Variants in VPS13B observed in about 807,000 individuals in gnomAD.
The protein encoded by VPS13B is intermembrane lipid transfer protein VPS13B.
Under a neutral mutation model 426.4 loss-of-function variants are expected in VPS13B, and 285 were observed. The ratio of observed to expected loss-of-function variants is 0.67; its 90% CI spans 0.61 to 0.74. The LOEUF is 0.74. Ranked by LOEUF, VPS13B falls within the 30% of genes least tolerant of loss-of-function variation. VPS13B has a pLI of 0.00. For missense variants in VPS13B, 4,537 were observed against 4,782.6 expected (o/e 0.95, Z 1.51); for synonymous variants, 1,676 against 1,676.4 (o/e 1.00, Z 0.01).
At chr8:99,853,359 G>A (rs1816386225) in intron 55 of VPS13B, 92 bp from the exon 56 acceptor site, 1 of 1,287,756 alleles carries the variant, frequency 7.8e-7, no homozygotes, top group Admixed American at 1.9e-5. Context: ...CCCATCAGGA[G>A]GTATTTAATA....
At chr8:99,103,379 G>C (rs1846863927) in intron 5 of VPS13B, among the ~76,000 whole-genome samples, 1 of 152,080 alleles carries the variant, frequency 6.6e-6, no homozygotes, top group African/African-American at 2.4e-5. Flanking sequence ...GCCCAGGCTG[G>C]AGTGCAGTGG....
At chr8:99,573,349 T>G (rs1029941809) in intron 31 of VPS13B, among the ~76,000 whole-genome samples, 53 of 152,226 alleles carry the variant, frequency 3.5e-4, no homozygotes, top group South Asian at 2.5e-3. Flanking sequence ...ATTGCTTTTG[T>G]TGTTTTAGAC....
chr8:99,418,866 G>A (rs755872846), intron 21 of VPS13B, among the ~76,000 whole-genome samples: 4 of 152,238 alleles, frequency 2.6e-5, no homozygotes, highest in South Asian at 4.1e-4. Flanking sequence ...TAGAGCTTGC[G>A]CTCTTCTAGA....
At chr8:99,658,153 T>C (rs894886482) in intron 34 of VPS13B, among the ~76,000 whole-genome samples, 3 of 152,158 alleles carry the variant, frequency 2.0e-5, no homozygotes, top group Admixed American at 1.3e-4. Flanking sequence ...TAGGAACATA[T>C]ATAATTACCT....
chr8:99,734,683 A>G (rs910563493), intron 39 of VPS13B, among the ~76,000 whole-genome samples: 1 of 152,202 alleles, frequency 6.6e-6, no homozygotes, highest in Non-Finnish European at 1.5e-5. Context: ...TACAGAGGAA[A>G]GGATGAATCA....
chr8:99,158,249 AGGCGGCCGGGCAC>A (rs1811462212), intron 15 of VPS13B, among the ~76,000 whole-genome samples: 1 of 152,192 alleles, frequency 6.6e-6, no homozygotes, highest in Non-Finnish European at 1.5e-5. Flanking sequence ...AAACTTCAAA[AGGCGGCCGGGCAC>A]GGTGGCTCAT....
intron 3 of VPS13B, among the ~76,000 whole-genome samples, chr8:99,087,301 T>C (rs1447746068): frequency 6.6e-6 from 1 of 152,144 alleles, no homozygotes; most frequent in Non-Finnish European, 1.5e-5. Flanking sequence ...CTAAGACCGT[T>C]GGAAAAGCAC....
chr8:99,687,928 C>T lies in VPS13B; in HGVS notation c.6047-11597C>T, dbSNP rs140111580. Among the ~76,000 whole-genome samples the T allele has an allele frequency of 4.9e-3, 747 of 152,056 alleles. 14 individuals are homozygous for T. The highest frequency in any genetic ancestry group is 0.017 in the African/African-American group (706 of 41,374). On this transcript the variant is annotated intron_variant, in intron 35 of 61. Transcript: ENST00000357162. ...TCCAGCTGTCTTGCTCTGCCTCCCT[C>T]TTGGCCTAGCCTTGTGAATGAACTT...
rs370527702 is a variant in VPS13B, at chr8:99,606,498, C to CAA, written c.5220+28880_5220+28881dup. Among the ~76,000 whole-genome samples the CAA allele has an allele frequency of 1.4e-3, 102 of 74,212 alleles. 1 individual carries two copies. Among genetic ancestry groups the CAA allele is most frequent in the Middle Eastern group, 8.5e-3 (1 of 118 alleles). The allele number at this position is 74,212 out of a possible 152,430, so 48.7% of individuals were successfully genotyped here. On this transcript the variant is annotated intron_variant, in intron 33 of 61. Transcript: ENST00000357162. The stretch of plus-strand genomic sequence containing the variant: ...CAGACAACATAGCAAGACTCAGTTT[C>CAA]AAAAAAAAAAAAAAAAGAAAAAAGA...
chr8:99,018,182 T>C (rs1841715092), intron 2 of VPS13B, among the ~76,000 whole-genome samples: 1 of 152,136 alleles, frequency 6.6e-6, no homozygotes, highest in Non-Finnish European at 1.5e-5. Flanking sequence ...GGTCAGGAGT[T>C]CGAGATCAGC....
At chr8:99,305,909 G>C (rs1367974732) in intron 19 of VPS13B, among the ~76,000 whole-genome samples, 3 of 152,020 alleles carry the variant, frequency 2.0e-5, no homozygotes, top group Non-Finnish European at 4.4e-5. Context: ...ATTTGGTCTT[G>C]TCTGCTTTCT....
intron 35 of VPS13B, among the ~76,000 whole-genome samples, chr8:99,690,633 C>A (rs1330999524): frequency 2.0e-5 from 3 of 151,392 alleles, no homozygotes; most frequent in African/African-American, 7.3e-5. Context: ...TATTTTATAT[C>A]CAAAATATAA....
chr8:99,491,227 T>A (rs1358521016), intron 25 of VPS13B, among the ~76,000 whole-genome samples: 1 of 152,178 alleles, frequency 6.6e-6, no homozygotes, highest in African/African-American at 2.4e-5. Flanking sequence ...AGCTGAGACA[T>A]CCGCTGTTAG....
At chr8:99,406,880 A>G (rs1021167571) in intron 21 of VPS13B, among the ~76,000 whole-genome samples, 41 of 152,214 alleles carry the variant, frequency 2.7e-4, no homozygotes, top group Non-Finnish European at 8.8e-5. Context: ...AGACCTTAGG[A>G]TAGGTGTTAG....
intron 2 of VPS13B, among the ~76,000 whole-genome samples, chr8:99,020,583 T>A (rs1409588614): frequency 6.6e-6 from 1 of 152,226 alleles, no homozygotes; most frequent in Non-Finnish European, 1.5e-5. Context: ...GAAGGTTTTC[T>A]CCTATGTTTT....
chr8:99,559,670 T>C (rs1252154089), intron 31 of VPS13B, among the ~76,000 whole-genome samples: 1 of 152,202 alleles, frequency 6.6e-6, no homozygotes, highest in East Asian at 1.9e-4. Context: ...GGAAATCCTT[T>C]CCCCATTGCT....
intron 21 of VPS13B, among the ~76,000 whole-genome samples, chr8:99,420,340 A>G (rs1201398270): frequency 6.6e-6 from 1 of 152,146 alleles, no homozygotes. Flanking sequence ...CCATTTAATC[A>G]TTGACATCAT....
intron 21 of VPS13B, among the ~76,000 whole-genome samples, chr8:99,397,292 C>G (rs192951129): frequency 1.1e-4 from 16 of 152,086 alleles, no homozygotes; most frequent in Admixed American, 3.9e-4. Context: ...ACTACAGGCA[C>G]GTGCCACATG....
chr8:99,150,844 A>G (rs1811037564), intron 14 of VPS13B, among the ~76,000 whole-genome samples: 1 of 152,206 alleles, frequency 6.6e-6, no homozygotes, highest in Non-Finnish European at 1.5e-5. Flanking sequence ...AGGCATATAC[A>G]TCCACGTGCA....
Sources: allele counts gnomAD v4.1 joint callset (sites outside exome capture counted in the v4.1 genomes callset), GRCh38; gene constraint gnomAD v4.1.1; transcripts MANE v1.5; gene names NCBI Gene and HGNC (gene_info 2026-07-23, HGNC 2026-07-21).